The following SGCD variants were observed in gnomAD, a reference collection of about 807,000 sequenced individuals.
SGCD encodes sarcoglycan delta.
In SGCD, 18 loss-of-function variants were observed where a neutral mutation model predicts 36.6. That is an observed-to-expected ratio of 0.49 (90% CI 0.34 to 0.73). The LOEUF is 0.73. SGCD is among the 30% of genes least tolerant of loss of function. The pLI is 0.01. For synonymous variants in SGCD, 133 were observed against 130.6 expected, an observed-to-expected ratio of 1.02 and a Z score of -0.12; for missense variants, 387 against 346.7, an observed-to-expected ratio of 1.12 and a Z score of -0.92.
intron 3 of SGCD, among the ~76,000 whole-genome samples, chr5:156,379,034 A>G (rs532528841): frequency 1.3e-5 from 2 of 152,292 alleles, no homozygotes; most frequent in East Asian, 3.9e-4. Flanking sequence ...TGTACTCACA[A>G]ACCTATTCAT....
chr5:156,622,073 C>G (rs1762272455), intron 6 of SGCD, among the ~76,000 whole-genome samples: 1 of 152,122 alleles, frequency 6.6e-6, no homozygotes, highest in African/African-American at 2.4e-5. Context: ...AATTCACATA[C>G]ACAATTTACC....
At chr5:156,030,931 A>T (rs1279089852) in intron 1 of SGCD, among the ~76,000 whole-genome samples, 1 of 152,212 alleles carries the variant, frequency 6.6e-6, no homozygotes, top group Non-Finnish European at 1.5e-5. Context: ...CATGTTTTTG[A>T]GTGAAAAAAA....
the SGCD span, among the ~76,000 whole-genome samples, chr5:155,811,223 A>G: frequency 6.6e-6 from 1 of 152,150 alleles, no homozygotes; most frequent in East Asian, 1.9e-4. Context: ...CCTGCTTGTC[A>G]CCCAACTGAT....
rs535948830 is a variant in SGCD, at chr5:156,391,001, G to A, written c.192+46324G>A. On this transcript the variant is annotated intron_variant, in intron 3 of 8. Coordinates refer to ENST00000337851, the MANE Select transcript of SGCD (RefSeq NM_000337.6). ...CCGTTTTTATAAAGTCTACAGTAGT[G>A]TTCAGCAATATCCTAGGCTCTCACA... is the stretch of plus-strand genomic sequence containing the variant. Among the ~76,000 whole-genome samples the A allele has an allele frequency of 2.0e-5, 3 of 152,176 alleles. No homozygotes were observed. In the South Asian group the frequency reaches 6.2e-4, roughly 31 times the overall value.
At chr5:156,445,614 C>T (rs142276488) in intron 3 of SGCD, among the ~76,000 whole-genome samples, 96 of 152,238 alleles carry the variant, frequency 6.3e-4, no homozygotes, top group Admixed American at 1.2e-3. Context: ...GTTCTCCCCC[C>T]GTACTATTTG....
intron 5 of SGCD, 27 bp from the exon 6 acceptor site, chr5:156,594,905 A>C (rs1225639659): frequency 1.4e-5 from 20 of 1,438,850 alleles, no homozygotes; most frequent in African/African-American, 2.8e-5. Flanking sequence ...TCTCCTCTCT[A>C]TCTCTCTATC....
At chr5:156,449,351 G>A (rs2127804069) in intron 3 of SGCD, among the ~76,000 whole-genome samples, 1 of 152,164 alleles carries the variant, frequency 6.6e-6, no homozygotes, top group East Asian at 1.9e-4. Flanking sequence ...TTTTGTAAGG[G>A]CGGAACTAAG....
intron 3 of SGCD, among the ~76,000 whole-genome samples, chr5:156,265,816 A>G (rs1172777742): frequency 6.6e-6 from 1 of 152,142 alleles, no homozygotes; most frequent in African/African-American, 2.4e-5. Context: ...AAGTGATACA[A>G]TGGATTAACT....
At chr5:156,531,815 T>C (rs996307190) in intron 4 of SGCD, among the ~76,000 whole-genome samples, 3 of 151,824 alleles carry the variant, frequency 2.0e-5, no homozygotes, top group Non-Finnish European at 2.9e-5. Context: ...TCTACGTAAA[T>C]GTATGGACAT....
At chr5:156,647,423 A>C in intron 6 of SGCD, 41 bp from the exon 7 acceptor site, 1 of 1,413,868 alleles carries the variant, frequency 7.1e-7, no homozygotes, top group Non-Finnish European at 9.8e-7. Flanking sequence ...AGGTGACTCC[A>C]GTATCTCCAA....
the SGCD span, among the ~76,000 whole-genome samples, chr5:155,804,051 C>G: frequency 3.9e-5 from 6 of 152,270 alleles, no homozygotes; most frequent in African/African-American, 1.4e-4. Flanking sequence ...GGCGGAGATA[C>G]TATGGAGAGG....
chr5:156,140,129 T>A (rs891306891), intron 3 of SGCD, among the ~76,000 whole-genome samples: 6 of 152,230 alleles, frequency 3.9e-5, no homozygotes, highest in African/African-American at 1.4e-4. Context: ...TTACCCAGTC[T>A]GTGCTGTTTT....
At chr5:155,937,833 G>C (rs572383640) in intron 1 of SGCD, among the ~76,000 whole-genome samples, 1 of 152,224 alleles carries the variant, frequency 6.6e-6, no homozygotes, top group Non-Finnish European at 1.5e-5. Context: ...CCTCATTGGG[G>C]TGTTCAGGGG....
chr5:156,640,525 A>T (rs1443217912), intron 6 of SGCD, among the ~76,000 whole-genome samples: 1 of 146,622 alleles, frequency 6.8e-6, no homozygotes, highest in African/African-American at 2.4e-5. Context: ...CTTCTTACTG[A>T]ACATTGCCTC....
At chr5:155,975,458 A>T (rs760538506) in intron 1 of SGCD, among the ~76,000 whole-genome samples, 13 of 152,188 alleles carry the variant, frequency 8.5e-5, no homozygotes, top group South Asian at 4.1e-4. Context: ...AAATATCAAC[A>T]GTGCTGAGGT....
chr5:156,679,631 C>A (rs879105826), intron 7 of SGCD, among the ~76,000 whole-genome samples: 1 of 152,152 alleles, frequency 6.6e-6, no homozygotes, highest in East Asian at 1.9e-4. Flanking sequence ...TTACATATGG[C>A]TCTGATGTGC....
At chr5:155,859,053 GTTTTCTTTTC>G in the SGCD span, among the ~76,000 whole-genome samples, 2 of 151,140 alleles carry the variant, frequency 1.3e-5, no homozygotes, top group Admixed American at 6.6e-5. Context: ...TTCATATCAG[GTTTTCTTTTC>G]TTTTCTTTTC....
intron 3 of SGCD, among the ~76,000 whole-genome samples, chr5:156,384,861 G>A (rs1771190053): frequency 6.6e-6 from 1 of 152,176 alleles, no homozygotes; most frequent in African/African-American, 2.4e-5. Flanking sequence ...GAAGGAGCCT[G>A]GGGCTTGTTA....
chr5:155,875,497 G>C (rs1257269526), intron 1 of SGCD, among the ~76,000 whole-genome samples: 1 of 152,086 alleles, frequency 6.6e-6, no homozygotes, highest in African/African-American at 2.4e-5. Context: ...ATCAAACTCA[G>C]CAACCTGGCA....
Sources: gnomAD v4.1 joint callset for allele counts (sites outside exome capture counted in the v4.1 genomes callset) on GRCh38, gnomAD v4.1.1 for gene constraint, MANE v1.5 for transcripts, NCBI Gene and HGNC (gene_info 2026-07-23, HGNC 2026-07-21) for gene names.